Variants in GATA4 observed in about 807,000 individuals in gnomAD.
GATA4 encodes transcription factor GATA-4.
A neutral mutation model predicts 37.9 loss-of-function variants in GATA4; 7 were observed. The ratio of observed to expected loss-of-function variants is 0.18; its 90% CI spans 0.11 to 0.35. GATA4 has a LOEUF of 0.35. Ranked by LOEUF, GATA4 falls within the 10% of genes least tolerant of loss-of-function variation. GATA4 has a pLI of 1.00. For synonymous variants in GATA4, 372 were observed against 292.6 expected (o/e 1.27, Z -2.77); for missense variants, 647 against 653.0 (o/e 0.99, Z 0.10).
chr8:11,693,033 G>A, intron 1 of GATA4: 1 of 985,378 alleles, frequency 1.0e-6, no homozygotes. Flanking sequence ...GCCAGCGCCT[G>A]CGGGGCCTCT....
At chr8:11,724,993 C>T (rs952143739) in intron 2 of GATA4, among the ~76,000 whole-genome samples, 3 of 152,228 alleles carry the variant, frequency 2.0e-5, no homozygotes, top group Non-Finnish European at 2.9e-5. Context: ...GCAGTGTACA[C>T]GGGCTGGGGG....
intron 6 of GATA4, among the ~76,000 whole-genome samples, chr8:11,757,698 G>A (rs1306084366): frequency 6.6e-6 from 1 of 152,206 alleles, no homozygotes; most frequent in East Asian, 1.9e-4. Context: ...TGTGTCAGGG[G>A]ACGCCCTGGG....
At chr8:11,752,058 A>C (rs927055547) in intron 4 of GATA4, among the ~76,000 whole-genome samples, 8 of 152,370 alleles carry the variant, frequency 5.3e-5, no homozygotes, top group Non-Finnish European at 4.4e-5. Flanking sequence ...AATGGTTGAA[A>C]AAATTCTGCT....
At chr8:11,714,651 G>A (rs1248267497) in intron 2 of GATA4, among the ~76,000 whole-genome samples, 1 of 152,180 alleles carries the variant, frequency 6.6e-6, no homozygotes, top group Non-Finnish European at 1.5e-5. Flanking sequence ...CCTCTAGTGA[G>A]CCCTGTCACT....
intron 2 of GATA4, among the ~76,000 whole-genome samples, chr8:11,710,489 G>A (rs1800129209): frequency 6.6e-6 from 1 of 150,742 alleles, no homozygotes; most frequent in Admixed American, 6.6e-5. Flanking sequence ...AGACCATCCT[G>A]GCCAACCTGT....
intron 2 of GATA4, among the ~76,000 whole-genome samples, chr8:11,728,307 C>T (rs1052274299): frequency 3.9e-5 from 6 of 152,194 alleles, no homozygotes; most frequent in Non-Finnish European, 8.8e-5. Flanking sequence ...GTCATTAAGC[C>T]AACCATTAAT....
chr8:11,705,741 A>G (rs1421926979), intron 1 of GATA4, among the ~76,000 whole-genome samples: 2 of 152,224 alleles, frequency 1.3e-5, no homozygotes, highest in East Asian at 1.9e-4. Context: ...CTGTTGTTCT[A>G]GTAATCCAAC....
intron 1 of GATA4, among the ~76,000 whole-genome samples, chr8:11,704,983 A>T (rs970517103): frequency 6.6e-6 from 1 of 152,208 alleles, no homozygotes; most frequent in Admixed American, 6.5e-5. Context: ...CGGAGCCGTG[A>T]CTTCCCTCCG....
At position 11,722,478 on chromosome 8, in the gene GATA4, T is replaced by A. The variant is rs532108449; in HGVS notation, c.616+13550T>A. Among the ~76,000 whole-genome samples, 140 of 152,360 alleles carry A rather than the reference T, an allele frequency of 9.2e-4. 1 individual carries two copies. The South Asian group carries it at 0.024, about 27-fold the overall frequency. Reference sequence around the variant, plus strand: ...TTCAATTTCCCAGTTTGTCTAATTGTCTTTAATGCCTTGTTCCAATCAGGA... The same window carrying A: ...TTCAATTTCCCAGTTTGTCTAATTGACTTTAATGCCTTGTTCCAATCAGGA... On this transcript the variant is annotated intron_variant, in intron 2 of 6. Coordinates refer to ENST00000532059, the MANE Select transcript of GATA4 (RefSeq NM_001308093.3).
upstream of GATA4, among the ~76,000 whole-genome samples, chr8:11,691,454 C>T (rs970361062): frequency 2.0e-5 from 3 of 152,196 alleles, no homozygotes; most frequent in African/African-American, 7.2e-5. Flanking sequence ...GCACGTGCCA[C>T]CACAACCCGC....
chr8:11,691,968 C>T (rs2129979704), upstream of GATA4: 1 of 972,438 alleles, frequency 1.0e-6, no homozygotes, highest in Non-Finnish European at 1.2e-6. Flanking sequence ...ATGTTGCTTA[C>T]AATGTTGACT....
intron 2 of GATA4, among the ~76,000 whole-genome samples, chr8:11,730,362 C>G (rs1000889401): frequency 2.6e-5 from 4 of 152,216 alleles, no homozygotes; most frequent in African/African-American, 9.7e-5. Flanking sequence ...CCAGACACCT[C>G]TTAGATCTAT....
intron 2 of GATA4, among the ~76,000 whole-genome samples, chr8:11,712,548 GA>G (rs148913757): frequency 2.0e-5 from 3 of 151,396 alleles, no homozygotes; most frequent in East Asian, 1.9e-4. Flanking sequence ...CATTTTATAG[GA>G]AAAAAAAGAA....
chr8:11,730,871 G>A (rs774408399), intron 2 of GATA4, among the ~76,000 whole-genome samples: 11 of 152,206 alleles, frequency 7.2e-5, no homozygotes, highest in Admixed American at 3.3e-4. Flanking sequence ...TGACTTCCCC[G>A]GCCAGTGCCC....
At chr8:11,738,477 G>A (rs908877839) in intron 2 of GATA4, among the ~76,000 whole-genome samples, 1 of 152,168 alleles carries the variant, frequency 6.6e-6, no homozygotes, top group East Asian at 1.9e-4. Flanking sequence ...TTCCATATCA[G>A]TACATCAAGA....
At chr8:11,732,412 C>A (rs28488522) in intron 2 of GATA4, among the ~76,000 whole-genome samples, 1 of 152,096 alleles carries the variant, frequency 6.6e-6, no homozygotes, top group African/African-American at 2.4e-5. Flanking sequence ...AGAGAAGCTC[C>A]GTTTCATCTA....
chr8:11,688,553 T>TACAC (rs1799214442), upstream of GATA4, among the ~76,000 whole-genome samples: 1 of 140,106 alleles, frequency 7.1e-6, no homozygotes, highest in Admixed American at 7.2e-5. Flanking sequence ...CACACACACT[T>TACAC]GAATCTCAAC....
chr8:11,689,335 G>A (rs79130270), upstream of GATA4, among the ~76,000 whole-genome samples: 3,804 of 152,286 alleles, frequency 0.025, 126 homozygotes, highest in African/African-American at 0.07. Context: ...TACATAGAGT[G>A]ACCACATAAT....
At chr8:11,694,814 T>C (rs146776317) in intron 1 of GATA4, among the ~76,000 whole-genome samples, 21 of 152,286 alleles carry the variant, frequency 1.4e-4, no homozygotes, top group African/African-American at 5.1e-4. Context: ...TCAAGAACTC[T>C]GGGAAGAGGT....
Sources: allele counts gnomAD v4.1 joint callset (sites outside exome capture counted in the v4.1 genomes callset), GRCh38; gene constraint gnomAD v4.1.1; transcripts MANE v1.5; gene names NCBI Gene and HGNC (gene_info 2026-07-23, HGNC 2026-07-21).